SLIT2: variants seen among roughly 807,000 people sequenced by gnomAD.
SLIT2 encodes the protein slit homolog 2 protein.
A neutral mutation model predicts 185.7 loss-of-function variants in SLIT2; 41 were observed. The ratio of observed to expected loss-of-function variants is 0.22; its 90% confidence interval spans 0.17 to 0.29. The LOEUF is 0.29. SLIT2 is among the 10% of genes least tolerant of loss of function. SLIT2 has a pLI of 1.00. For missense variants in SLIT2, 1,571 were observed against 1,909.0 expected (o/e 0.82, Z 3.30); for synonymous variants, 693 against 680.2 (o/e 1.02, Z -0.29).
chr4:20,324,655 A>G (rs1400198084), intron 4 of SLIT2, among the ~76,000 whole-genome samples: 1 of 152,172 alleles, frequency 6.6e-6, no homozygotes, highest in Non-Finnish European at 1.5e-5. Context: ...CAGAATAACT[A>G]TGTGATGTAG....
chr4:20,420,337 A>T (rs1728077614), intron 4 of SLIT2, among the ~76,000 whole-genome samples: 1 of 152,190 alleles, frequency 6.6e-6, no homozygotes, highest in Non-Finnish European at 1.5e-5. Flanking sequence ...GTACTTACAG[A>T]AGCACTCACT....
chr4:20,605,421 A>G (rs975481453), intron 33 of SLIT2, among the ~76,000 whole-genome samples: 1 of 152,240 alleles, frequency 6.6e-6, no homozygotes, highest in East Asian at 1.9e-4. Context: ...TGAGCGTAGT[A>G]AAACTAAACC....
At chr4:20,544,817 CCTT>C (rs1367189610) in intron 21 of SLIT2, among the ~76,000 whole-genome samples, 4 of 152,084 alleles carry the variant, frequency 2.6e-5, no homozygotes, top group South Asian at 2.1e-4. Context: ...TGAATCTTGA[CCTT>C]CTGCTGTGTT....
In SLIT2 at chr4:20,619,789, A is replaced by G. The variant is rs569787563; in HGVS notation, c.*780A>G. Reference sequence around the variant, plus strand: ...AGTTTCCATGAGAAATATTTATTGTATCAAAGTACATTGTACTTAACATTT... The same window carrying G: ...AGTTTCCATGAGAAATATTTATTGTGTCAAAGTACATTGTACTTAACATTT... On this transcript the variant is annotated 3_prime_UTR_variant, in exon 37 of 37. Coordinates refer to ENST00000504154, the MANE Select transcript of SLIT2 (RefSeq NM_004787.4). 7.4e-4 allele frequency: 112 copies of G among 152,254 alleles called. No homozygotes were observed. The highest frequency in any genetic ancestry group is 2.6e-3 in the African/African-American group (109 of 41,560). 9.4% of individuals were successfully genotyped at this position (152,254 alleles called of 1,614,324 possible). A position where few individuals can be genotyped will look rare whatever the true frequency, so the allele number is the denominator to read the frequency against.
chr4:20,324,424 G>T (rs546987165), intron 4 of SLIT2, among the ~76,000 whole-genome samples: 1 of 152,212 alleles, frequency 6.6e-6, no homozygotes, highest in African/African-American at 2.4e-5. Flanking sequence ...TAAAGCAGAG[G>T]AAGTGATTAT....
chr4:20,311,871 A>T (rs983629984), intron 4 of SLIT2, among the ~76,000 whole-genome samples: 1 of 152,182 alleles, frequency 6.6e-6, no homozygotes, highest in African/African-American at 2.4e-5. Flanking sequence ...GGCTTTCAAT[A>T]TCAGTTCTAT....
chr4:20,488,078 C>A (rs958944264), intron 7 of SLIT2, among the ~76,000 whole-genome samples: 1 of 152,256 alleles, frequency 6.6e-6, no homozygotes. Context: ...ATACATTTGT[C>A]TGATATTTTA....
intron 4 of SLIT2, among the ~76,000 whole-genome samples, chr4:20,464,614 T>C (rs1380757182): frequency 6.6e-6 from 1 of 152,154 alleles, no homozygotes; most frequent in Non-Finnish European, 1.5e-5. Flanking sequence ...CAGCGCACCA[T>C]TGATTTGTCC....
At chr4:20,297,252 C>T (rs10516351) in intron 4 of SLIT2, among the ~76,000 whole-genome samples, 35,083 of 152,018 alleles carry the variant, frequency 0.23, 5,106 homozygotes, top group East Asian at 0.6. Flanking sequence ...AGAAATAGTT[C>T]GTATGTTTAC....
chr4:20,290,708 C>T (rs925698151), intron 4 of SLIT2, among the ~76,000 whole-genome samples: 26 of 149,340 alleles, frequency 1.7e-4, no homozygotes, highest in Non-Finnish European at 3.1e-4. Flanking sequence ...GGTAAATATG[C>T]GTTGAATAAA....
intron 4 of SLIT2, among the ~76,000 whole-genome samples, chr4:20,339,109 A>AAG (rs1720752505): frequency 6.6e-6 from 1 of 151,310 alleles, no homozygotes; most frequent in Admixed American, 6.6e-5. Context: ...AAAAAAAAAA[A>AAG]AAAGAAAGAC....
intron 4 of SLIT2, among the ~76,000 whole-genome samples, chr4:20,283,092 T>G (rs960673197): frequency 6.8e-6 from 1 of 147,750 alleles, no homozygotes; most frequent in Non-Finnish European, 1.5e-5. Context: ...TATATGTGTG[T>G]GTTGCCTGTG....
At chr4:20,543,091 GTGACCCCTAGGAGAAAATT>G (rs1722958753) in intron 21 of SLIT2, among the ~76,000 whole-genome samples, 1 of 150,816 alleles carries the variant, frequency 6.6e-6, no homozygotes, top group East Asian at 1.9e-4. Context: ...TTTTACCTCT[GTGACCCCTAGGAGAAAATT>G]TTACCACATG....
chr4:20,465,687 A>G (rs2148738768), intron 4 of SLIT2, among the ~76,000 whole-genome samples: 1 of 152,206 alleles, frequency 6.6e-6, no homozygotes, highest in Middle Eastern at 3.2e-3. Flanking sequence ...AATTTGAAGG[A>G]CTAAAATCAA....
intron 21 of SLIT2, among the ~76,000 whole-genome samples, chr4:20,545,479 T>A (rs1050413090): frequency 3.5e-5 from 5 of 144,814 alleles, no homozygotes; most frequent in African/African-American, 1.0e-4. Context: ...ATATATATAT[T>A]TATACACTTC....
intron 4 of SLIT2, among the ~76,000 whole-genome samples, chr4:20,330,966 A>G (rs1334196887): frequency 1.3e-5 from 2 of 152,120 alleles, no homozygotes; most frequent in Admixed American, 1.3e-4. Flanking sequence ...TCTTCAAAGT[A>G]AGCCTGTAAG....
chr4:20,394,933 G>GA (rs1358283949), intron 4 of SLIT2: 1 of 151,952 alleles, frequency 6.6e-6, no homozygotes, highest in Non-Finnish European at 1.5e-5. Flanking sequence ...AGCTGGTTAT[G>GA]AAAAAATAAT....
In SLIT2 at chr4:20,468,008, A is replaced by G. The variant is rs1714547765; in HGVS notation, c.467+185A>G. 2.0e-5 allele frequency among the ~76,000 whole-genome samples: 3 copies of G among 152,158 alleles called. No homozygotes were observed. The South Asian group carries it at 6.2e-4, about 31-fold the overall frequency. The stretch of plus-strand genomic sequence containing the variant: ...AAGCTGTTTGACGAGATGCTCATTT[A>G]GAAGATGTCTGGAAACAAGCCATCA... On this transcript the variant is annotated intron_variant, in intron 5 of 36. Coordinates refer to ENST00000504154, the MANE Select transcript of SLIT2 (RefSeq NM_004787.4).
intron 26 of SLIT2, among the ~76,000 whole-genome samples, chr4:20,565,274 G>A (rs979511705): frequency 1.3e-5 from 2 of 151,882 alleles, no homozygotes; most frequent in African/African-American, 2.4e-5. Context: ...GCTTATAGTC[G>A]TTGCATTTGC....
Sources: allele counts gnomAD v4.1 joint callset (sites outside exome capture counted in the v4.1 genomes callset), GRCh38; gene constraint gnomAD v4.1.1; transcripts MANE v1.5; gene names NCBI Gene and HGNC (gene_info 2026-07-23, HGNC 2026-07-21).